RBM6: variants seen among roughly 807,000 people sequenced by gnomAD.
The protein encoded by RBM6 is RNA-binding protein 6.
In RBM6, 23 loss-of-function variants were observed where a neutral mutation model predicts 140.4. The ratio of observed to expected loss-of-function variants is 0.16; its 90% CI spans 0.12 to 0.23. The LOEUF is 0.23. Among genes scored for constraint, RBM6 ranks in the 10% least tolerant of loss-of-function variants. The probability of loss-of-function intolerance (pLI) is 1.00; values close to 1 mark genes in which losing one functional copy is unlikely to be tolerated. For missense variants in RBM6, 1,139 were observed against 1,386.7 expected (o/e 0.82, Z 2.84); for synonymous variants, 439 against 475.6 (o/e 0.92, Z 1.00).
chr3:50,058,518 C>T lies in RBM6; in HGVS notation c.2086C>T (p.Pro696Ser). Residue 696 changes from proline (P) to serine (S), a missense_variant, in exon 10 of 21, where the codon CCT (proline) becomes TCT (serine). By Grantham distance (74) the Pro-to-Ser change is moderately conservative. Transcript: ENST00000266022. ...NVRIIKNRTG[P>S]MGHTYGFIDL... ...CCGTATCATCAAGAACAGAACAGGC[C>T]CTATGGGGCATACCTATGGCTTTAT... 6.2e-7 allele frequency: 1 copy of T among 1,610,904 alleles called. No individual in the cohort carries two copies. Among genetic ancestry groups the T allele is most frequent in the Non-Finnish European group, 8.5e-7 (1 of 1,177,092 alleles).
chr3:49,972,475 A>C (rs2084844389), intron 4 of RBM6, among the ~76,000 whole-genome samples: 1 of 152,190 alleles, frequency 6.6e-6, no homozygotes, highest in Admixed American at 6.5e-5. Context: ...TTATTTCTGG[A>C]GTATGTACAT....
At chr3:50,021,113 A>G (rs1404675925) in intron 6 of RBM6, among the ~76,000 whole-genome samples, 1 of 152,164 alleles carries the variant, frequency 6.6e-6, no homozygotes, top group Admixed American at 6.6e-5. Flanking sequence ...GGTATGTTTT[A>G]TGGCCCATAA....
intron 6 of RBM6, among the ~76,000 whole-genome samples, chr3:50,035,245 G>A (rs2088459406): frequency 1.3e-5 from 2 of 152,014 alleles, no homozygotes; most frequent in South Asian, 2.1e-4. Flanking sequence ...CTTTAGAACA[G>A]GAATGAAAGG....
intron 1 of RBM6, chr3:49,941,025 G>A (rs2083262399): frequency 6.6e-6 from 1 of 151,480 alleles, no homozygotes; most frequent in African/African-American, 2.4e-5. Flanking sequence ...AAGGAGTTCA[G>A]TAGACATGCA....
chr3:49,996,937 T>A (rs1288583487), intron 5 of RBM6, among the ~76,000 whole-genome samples: 3 of 152,194 alleles, frequency 2.0e-5, no homozygotes, highest in Non-Finnish European at 2.9e-5. Flanking sequence ...GTTACTTTGA[T>A]CAGTTTACCT....
chr3:50,022,253 G>A (rs190174731), intron 6 of RBM6, among the ~76,000 whole-genome samples: 13 of 151,842 alleles, frequency 8.6e-5, no homozygotes, highest in African/African-American at 2.4e-4. Flanking sequence ...CTCTCTAATC[G>A]CCTGTTGTGT....
At chr3:50,055,362 A>G (rs2089659249) in intron 8 of RBM6, among the ~76,000 whole-genome samples, 1 of 152,128 alleles carries the variant, frequency 6.6e-6, no homozygotes, top group African/African-American at 2.4e-5. Flanking sequence ...CCCAGGAGTC[A>G]GAGGTTGCAG....
intron 1 of RBM6, among the ~76,000 whole-genome samples, chr3:49,945,864 A>C (rs1030985899): frequency 2.1e-5 from 3 of 140,946 alleles, no homozygotes; most frequent in Non-Finnish European, 4.6e-5. Flanking sequence ...CCTGGGCGAC[A>C]GAGCGAGACT....
chr3:49,977,961 A>G (rs1381636616), intron 5 of RBM6, among the ~76,000 whole-genome samples: 1 of 152,192 alleles, frequency 6.6e-6, no homozygotes, highest in Non-Finnish European at 1.5e-5. Context: ...TTAAAAAGAA[A>G]AAGAAAAAAA....
chr3:50,000,746 G>A (rs927234896), intron 6 of RBM6, among the ~76,000 whole-genome samples: 2 of 152,122 alleles, frequency 1.3e-5, no homozygotes, highest in Admixed American at 6.6e-5. Context: ...AGAAGGCTCT[G>A]CCAGAGAAGA....
chr3:50,052,447 G>A (rs1432252722), intron 7 of RBM6, among the ~76,000 whole-genome samples: 1 of 152,128 alleles, frequency 6.6e-6, no homozygotes, highest in African/African-American at 2.4e-5. Flanking sequence ...TACTTTATTC[G>A]TTGGCATGTA....
At chr3:49,956,731 T>C (rs2084009301) in intron 1 of RBM6, among the ~76,000 whole-genome samples, 1 of 152,092 alleles carries the variant, frequency 6.6e-6, no homozygotes, top group Non-Finnish European at 1.5e-5. Context: ...AATGGCATAA[T>C]CTCAGCTCAC....
chr3:50,005,598 A>T (rs1261408658), intron 6 of RBM6, among the ~76,000 whole-genome samples: 3 of 152,166 alleles, frequency 2.0e-5, no homozygotes, highest in Non-Finnish European at 4.4e-5. Flanking sequence ...GTTTGTTGGA[A>T]ACTTAAATTG....
intron 1 of RBM6, among the ~76,000 whole-genome samples, chr3:49,957,348 A>G (rs2108603073): frequency 6.8e-6 from 1 of 147,898 alleles, no homozygotes; most frequent in Admixed American, 6.8e-5. Context: ...GTCTCACTAT[A>G]TGGCCAATGG....
Position 50,018,586 on chromosome 3 carries a change from T to G in RBM6, c.1557+19073T>G, listed in dbSNP as rs947349379. Among the ~76,000 whole-genome samples the G allele has an allele frequency of 1.5e-4, 18 of 120,634 alleles. No individual in the cohort carries two copies. The South Asian group carries it at 2.9e-3, about 19-fold the overall frequency. 79.1% of individuals were successfully genotyped at this position (120,634 alleles called of 152,430 possible). On this transcript the variant is annotated intron_variant, in intron 6 of 20. Coordinates refer to ENST00000266022, the MANE Select transcript of RBM6 (RefSeq NM_005777.3). ...GGATCGTATGGTAGGAGTGTGTTTTTTTTTTTTTTTTTTTTTTTTTTTTTT... is the reference window on the plus strand; with the variant it reads ...GGATCGTATGGTAGGAGTGTGTTTTGTTTTTTTTTTTTTTTTTTTTTTTTT...
chr3:50,009,735 G>A (rs1316165789), intron 6 of RBM6, among the ~76,000 whole-genome samples: 1 of 151,308 alleles, frequency 6.6e-6, no homozygotes, highest in Non-Finnish European at 1.5e-5. Flanking sequence ...TTTTGAGGGG[G>A]TAGAGGGGAG....
At chr3:50,055,748 T>A (rs1378739304) in intron 8 of RBM6, among the ~76,000 whole-genome samples, 1 of 152,240 alleles carries the variant, frequency 6.6e-6, no homozygotes, top group Non-Finnish European at 1.5e-5. Context: ...GAAAAACATT[T>A]GTTAAAATAA....
intron 2 of RBM6, among the ~76,000 whole-genome samples, chr3:49,965,444 T>A (rs900126911): frequency 3.3e-5 from 5 of 150,656 alleles, no homozygotes; most frequent in Admixed American, 6.6e-5. Flanking sequence ...CCGAGGCGGG[T>A]GGATCACGAG....
intron 6 of RBM6, among the ~76,000 whole-genome samples, chr3:50,000,639 G>A (rs1030905970): frequency 1.3e-5 from 2 of 152,096 alleles, no homozygotes; most frequent in South Asian, 2.1e-4. Flanking sequence ...GGCTGCTCTC[G>A]AACTCCAGAC....
Sources: gnomAD v4.1 joint callset for allele counts (sites outside exome capture counted in the v4.1 genomes callset) on GRCh38, gnomAD v4.1.1 for gene constraint, MANE v1.5 for transcripts, NCBI Gene and HGNC (gene_info 2026-07-23, HGNC 2026-07-21) for gene names.